MCTP2: variants seen among roughly 807,000 people sequenced by gnomAD.
MCTP2 encodes multiple C2 and transmembrane domain containing 2.
In MCTP2, 132 loss-of-function variants were observed where a neutral mutation model predicts 111.6. The ratio of observed to expected loss-of-function variants is 1.18; its 90% CI spans 1.03 to 1.37. The LOEUF (loss-of-function observed/expected upper bound fraction) is 1.37, where lower values mean the gene tolerates loss of function less well. MCTP2 is among the 40% of genes most tolerant of loss of function. The pLI is 0.00. For missense variants in MCTP2, 1,183 were observed against 1,067.9 expected, an observed-to-expected ratio of 1.11 and a Z score of -1.50; for synonymous variants, 395 against 387.7, an observed-to-expected ratio of 1.02 and a Z score of -0.22.
intron 20 of MCTP2, among the ~76,000 whole-genome samples, chr15:94,466,200 T>C (rs1178278143): frequency 6.6e-6 from 1 of 152,194 alleles, no homozygotes; most frequent in Non-Finnish European, 1.5e-5. Context: ...ATATATTGGA[T>C]TAGATTTCAA....
intron 1 of MCTP2, among the ~76,000 whole-genome samples, chr15:94,236,604 G>C (rs1228338141): frequency 1.3e-5 from 2 of 152,006 alleles, no homozygotes; most frequent in Non-Finnish European, 2.9e-5. Context: ...CTAATTCTGA[G>C]AATGCCAGCT....
chr15:94,390,913 AG>A (rs1485864311), intron 14 of MCTP2, among the ~76,000 whole-genome samples: 2 of 151,886 alleles, frequency 1.3e-5, no homozygotes, highest in Non-Finnish European at 2.9e-5. Flanking sequence ...TATTTTTAGT[AG>A]AGACAAGGTT....
At chr15:94,431,042 T>A (rs2083157798) in intron 17 of MCTP2, among the ~76,000 whole-genome samples, 1 of 152,214 alleles carries the variant, frequency 6.6e-6, no homozygotes, top group Admixed American at 6.5e-5. Flanking sequence ...ATTTTTTCTA[T>A]CTCATCTTCA....
intron 1 of MCTP2, among the ~76,000 whole-genome samples, chr15:94,281,426 C>T (rs2074481501): frequency 6.6e-6 from 1 of 152,116 alleles, no homozygotes; most frequent in African/African-American, 2.4e-5. Flanking sequence ...TTTCTCAATC[C>T]CTTTACTTTG....
At chr15:94,326,663 G>C (rs985684999) in intron 4 of MCTP2, among the ~76,000 whole-genome samples, 5 of 151,928 alleles carry the variant, frequency 3.3e-5, no homozygotes, top group Non-Finnish European at 7.4e-5. Flanking sequence ...TGCCTCCTGG[G>C]TTCAAGCAAT....
chr15:94,275,870 T>C (rs2074165342), intron 1 of MCTP2, among the ~76,000 whole-genome samples: 2 of 143,126 alleles, frequency 1.4e-5, no homozygotes, highest in Non-Finnish European at 3.0e-5. Context: ...TTTTGAGAGA[T>C]GGAGTCTCGC....
chr15:94,245,008 A>G (rs562678750), intron 1 of MCTP2, among the ~76,000 whole-genome samples: 8 of 149,802 alleles, frequency 5.3e-5, no homozygotes, highest in East Asian at 4.0e-4. Flanking sequence ...ACGTATATGT[A>G]TACACATACA....
At chr15:94,434,319 C>T (rs2083348340) in intron 17 of MCTP2, among the ~76,000 whole-genome samples, 1 of 152,026 alleles carries the variant, frequency 6.6e-6, no homozygotes, top group Non-Finnish European at 1.5e-5. Flanking sequence ...TTCAAACAGA[C>T]CTCCCACCTT....
intron 4 of MCTP2, among the ~76,000 whole-genome samples, chr15:94,332,112 T>G (rs929454931): frequency 6.6e-6 from 1 of 152,218 alleles, no homozygotes; most frequent in African/African-American, 2.4e-5. Context: ...GAGAAGTTCC[T>G]TCTTTCTCAG....
Position 94,467,426 on chromosome 15 carries a change from A to AT in MCTP2, c.2361-2907_2361-2906insT, listed in dbSNP as rs376140884. Among the ~76,000 whole-genome samples, 5 of 28,454 alleles carry AT rather than the reference A, an allele frequency of 1.8e-4. No individual in the cohort carries two copies. In the South Asian group the frequency reaches 2.5e-3, roughly 14 times the overall value. 18.7% of individuals were successfully genotyped at this position (28,454 alleles called of 152,430 possible). On this transcript the variant is annotated intron_variant, in intron 20 of 22. Coordinates refer to ENST00000357742, the MANE Select transcript of MCTP2 (RefSeq NM_001385001.1). ...AGTTGTTACTTACTTTTATTATAAT[A>AT]ATCAAATATGACCAATGGAATATAA... is the stretch of plus-strand genomic sequence containing the variant.
chr15:94,343,050 A>G (rs962574572), intron 7 of MCTP2: 3 of 126,022 alleles, frequency 2.4e-5, no homozygotes, highest in African/African-American at 8.2e-5. Flanking sequence ...ATAAACATGT[A>G]TATATATAAC....
At chr15:94,280,629 C>T (rs2074433154) in intron 1 of MCTP2, among the ~76,000 whole-genome samples, 1 of 151,802 alleles carries the variant, frequency 6.6e-6, no homozygotes, top group Non-Finnish European at 1.5e-5. Context: ...TATTTTTCTT[C>T]TGCTAACATT....
intron 1 of MCTP2, among the ~76,000 whole-genome samples, chr15:94,274,632 C>G (rs748171379): frequency 5.9e-5 from 9 of 151,974 alleles, no homozygotes; most frequent in Non-Finnish European, 8.8e-5. Context: ...ACAAACTCCC[C>G]CCTCCCCACA....
At chr15:94,348,647 G>A (rs7181430) in intron 8 of MCTP2, among the ~76,000 whole-genome samples, 66,594 of 148,440 alleles carry the variant, frequency 0.45, 15,120 homozygotes, top group African/African-American at 0.51. Context: ...CTCTCTCACT[G>A]TACCGCTTTC....
chr15:94,353,327 C>T (rs190394276), intron 8 of MCTP2, among the ~76,000 whole-genome samples: 7 of 152,290 alleles, frequency 4.6e-5, no homozygotes, highest in Admixed American at 1.3e-4. Context: ...CTGCTACAGT[C>T]CTCAGCCTTG....
intron 14 of MCTP2, among the ~76,000 whole-genome samples, chr15:94,396,990 C>T (rs564663140): frequency 6.6e-6 from 1 of 152,094 alleles, no homozygotes; most frequent in African/African-American, 2.4e-5. Flanking sequence ...AATATAAAAT[C>T]TCAATAAAAT....
rs562240242 is a variant in MCTP2 at position 94,243,848 on chromosome 15, T to C, written c.-66+12184T>C. Among the ~76,000 whole-genome samples, 7 of 148,120 alleles carry C rather than the reference T, an allele frequency of 4.7e-5. No homozygotes were observed. The East Asian group carries it at 1.0e-3, about 22-fold the overall frequency. ...ACATATGTATATATTTATGTACACATATATGTATACACATACATATGTGTA... is the reference window on the plus strand; with the variant it reads ...ACATATGTATATATTTATGTACACACATATGTATACACATACATATGTGTA... On this transcript the variant is annotated intron_variant, in intron 1 of 22. Coordinates refer to ENST00000357742, the MANE Select transcript of MCTP2 (RefSeq NM_001385001.1).
chr15:94,248,931 G>C (rs2072210647), intron 1 of MCTP2, among the ~76,000 whole-genome samples: 1 of 152,146 alleles, frequency 6.6e-6, no homozygotes, highest in Non-Finnish European at 1.5e-5. Flanking sequence ...AGAGTCAGAA[G>C]GAATGGTAAT....
intron 12 of MCTP2, among the ~76,000 whole-genome samples, chr15:94,373,533 T>C (rs562574323): frequency 6.6e-6 from 1 of 152,336 alleles, no homozygotes; most frequent in African/African-American, 2.4e-5. Flanking sequence ...TTAATAAATA[T>C]GCTATTTGAT....
Sources: gnomAD v4.1 joint callset for allele counts (sites outside exome capture counted in the v4.1 genomes callset) on GRCh38, gnomAD v4.1.1 for gene constraint, MANE v1.5 for transcripts, NCBI Gene and HGNC (gene_info 2026-07-23, HGNC 2026-07-21) for gene names.